Variants in PTPRK observed in about 807,000 individuals in gnomAD.
The protein encoded by PTPRK is protein tyrosine phosphatase receptor type K.
PTPRK carries 75 observed loss-of-function variants against 178.0 expected under a neutral mutation model. That is an observed-to-expected ratio of 0.42 (90% CI 0.35 to 0.51). PTPRK has a LOEUF of 0.51. PTPRK is among the 20% of genes least tolerant of loss of function. The pLI, the probability that PTPRK is intolerant of heterozygous loss-of-function variation, is 0.02. For synonymous variants in PTPRK, 637 were observed against 620.6 expected (o/e 1.03, Z -0.39); for missense variants, 1,441 against 1,797.8 (o/e 0.80, Z 3.59).
At chr6:128,173,021 T>C (rs1158359297) in intron 7 of PTPRK, among the ~76,000 whole-genome samples, 2 of 151,834 alleles carry the variant, frequency 1.3e-5, no homozygotes, top group East Asian at 3.9e-4. Flanking sequence ...AAGAGAGCAA[T>C]AAAGGGACGA....
chr6:128,169,147 G>A (rs1336565816), intron 7 of PTPRK, among the ~76,000 whole-genome samples: 1 of 152,074 alleles, frequency 6.6e-6, no homozygotes, highest in East Asian at 1.9e-4. Flanking sequence ...ACAGCATGAA[G>A]ACTATAGTTA....
chr6:128,411,853 C>A (rs1236295053), intron 1 of PTPRK, among the ~76,000 whole-genome samples: 2 of 152,272 alleles, frequency 1.3e-5, no homozygotes, highest in African/African-American at 2.4e-5. Flanking sequence ...ATATTTATTT[C>A]TAGCCTTTCC....
intron 1 of PTPRK, among the ~76,000 whole-genome samples, chr6:128,453,152 A>G (rs1286363835): frequency 1.3e-5 from 2 of 152,194 alleles, no homozygotes; most frequent in Non-Finnish European, 2.9e-5. Flanking sequence ...AACTGTATAT[A>G]TTTCCATTTT....
chr6:128,400,948 G>T (rs1167681932), intron 1 of PTPRK, among the ~76,000 whole-genome samples: 1 of 152,148 alleles, frequency 6.6e-6, no homozygotes, highest in Admixed American at 6.5e-5. Context: ...CAGAGGGAAA[G>T]AAAAATGAGC....
At chr6:128,309,035 C>T (rs1826855390) in intron 3 of PTPRK, among the ~76,000 whole-genome samples, 1 of 152,028 alleles carries the variant, frequency 6.6e-6, no homozygotes, top group African/African-American at 2.4e-5. Context: ...GATAGGGTTG[C>T]CATTCTCTAT....
intron 1 of PTPRK, among the ~76,000 whole-genome samples, chr6:128,492,898 C>A (rs1854037455): frequency 6.6e-6 from 1 of 152,170 alleles, no homozygotes; most frequent in African/African-American, 2.4e-5. Context: ...TCTTGGATAG[C>A]CCCCTTGTGC....
chr6:128,441,261 A>G (rs186479938), intron 1 of PTPRK, among the ~76,000 whole-genome samples: 1 of 152,182 alleles, frequency 6.6e-6, no homozygotes, highest in Non-Finnish European at 1.5e-5. Flanking sequence ...TAAACCTCTG[A>G]AAAGCATTCC....
In PTPRK at chr6:128,307,391, A is replaced by G. The variant is rs545076594; in HGVS notation, c.495+14648T>C. Among the ~76,000 whole-genome samples, 3 of 151,192 alleles carry G rather than the reference A, an allele frequency of 2.0e-5. No homozygotes were observed. In the East Asian group the frequency reaches 5.8e-4, roughly 29 times the overall value. ...GCAAATCATAAAATTTTTAGAAGAAATATAGAATTAAATAACCTCAGTGCT... is the reference window on the plus strand; with the variant it reads ...GCAAATCATAAAATTTTTAGAAGAAGTATAGAATTAAATAACCTCAGTGCT... On this transcript the variant is annotated intron_variant, in intron 3 of 29. Coordinates refer to ENST00000368226, the MANE Select transcript of PTPRK (RefSeq NM_002844.4).
chr6:128,135,330 G>A (rs893138848), intron 7 of PTPRK, among the ~76,000 whole-genome samples: 4 of 152,132 alleles, frequency 2.6e-5, no homozygotes, highest in Non-Finnish European at 5.9e-5. Context: ...TTGAAGGAGA[G>A]GGCTGGACCC....
chr6:128,462,624 A>ATTTTTTTT (rs1358646344), intron 1 of PTPRK, among the ~76,000 whole-genome samples: 1 of 136,648 alleles, frequency 7.3e-6, no homozygotes, highest in African/African-American at 2.7e-5. Context: ...AAGTAGGTAT[A>ATTTTTTTT]TTTTATTTAT....
chr6:128,461,199 C>T (rs1299602559), intron 1 of PTPRK, among the ~76,000 whole-genome samples: 1 of 151,756 alleles, frequency 6.6e-6, no homozygotes, highest in African/African-American at 2.4e-5. Context: ...TGTATAACCA[C>T]CTTGTGAAAA....
chr6:128,432,766 A>ACACC (rs1845005298), intron 1 of PTPRK, among the ~76,000 whole-genome samples: 1 of 151,886 alleles, frequency 6.6e-6, no homozygotes, highest in African/African-American at 2.4e-5. Flanking sequence ...ACACACACAC[A>ACACC]CACACACCCT....
At chr6:128,128,312 A>T (rs1279263092) in intron 7 of PTPRK, among the ~76,000 whole-genome samples, 1 of 152,142 alleles carries the variant, frequency 6.6e-6, no homozygotes, top group Non-Finnish European at 1.5e-5. Context: ...TCATCTTTCC[A>T]TCTTCTTTAG....
At chr6:128,293,917 A>T (rs1181390597) in intron 3 of PTPRK, among the ~76,000 whole-genome samples, 3 of 152,132 alleles carry the variant, frequency 2.0e-5, no homozygotes, top group African/African-American at 7.2e-5. Context: ...CATTGTGATC[A>T]GATGGACTCA....
At chr6:128,446,215 A>G (rs1247297090) in intron 1 of PTPRK, among the ~76,000 whole-genome samples, 1 of 152,182 alleles carries the variant, frequency 6.6e-6, no homozygotes, top group Non-Finnish European at 1.5e-5. Context: ...ATTAGCAATC[A>G]CCTTCATTTA....
At chr6:128,161,691 T>C (rs1011563745) in intron 7 of PTPRK, among the ~76,000 whole-genome samples, 5 of 151,638 alleles carry the variant, frequency 3.3e-5, no homozygotes, top group African/African-American at 1.2e-4. Context: ...ATAATGCTTC[T>C]GAATTTACCA....
At position 128,021,224 on chromosome 6, in the gene PTPRK, G is replaced by A. The variant is rs1286900456; in HGVS notation, c.2195-11956C>T. On this transcript the variant is annotated intron_variant, in intron 13 of 29. Coordinates refer to ENST00000368226, the MANE Select transcript of PTPRK (RefSeq NM_002844.4). Reference sequence around the variant, plus strand: ...CATTTCACAATTTCTAATTCTCAAAGTATCTAACAAACACACCCAAAATAC... The same window carrying A: ...CATTTCACAATTTCTAATTCTCAAAATATCTAACAAACACACCCAAAATAC... Among the ~76,000 whole-genome samples the A allele has an allele frequency of 3.3e-5, 5 of 152,126 alleles. No individual in the cohort carries two copies. The East Asian group carries it at 9.6e-4, about 29-fold the overall frequency.
At chr6:128,515,101 C>A (rs1292623) in intron 1 of PTPRK, among the ~76,000 whole-genome samples, 152,115 of 152,326 alleles carry the variant, frequency 1, 75,952 homozygotes, top group Middle Eastern at 1. Context: ...AACATTTTTT[C>A]AGTTTTCCAA....
intron 1 of PTPRK, among the ~76,000 whole-genome samples, chr6:128,497,694 G>T (rs1854911952): frequency 6.6e-6 from 1 of 151,472 alleles, no homozygotes; most frequent in African/African-American, 2.4e-5. Context: ...ATACATTCCA[G>T]TGTTAATACA....
Sources: gnomAD v4.1 joint callset for allele counts (sites outside exome capture counted in the v4.1 genomes callset) on GRCh38, gnomAD v4.1.1 for gene constraint, MANE v1.5 for transcripts, NCBI Gene and HGNC (gene_info 2026-07-23, HGNC 2026-07-21) for gene names.